NBAS: variants seen among roughly 807,000 people sequenced by gnomAD.
NBAS encodes the protein NBAS subunit of NRZ tethering complex, also known as NAG/BC035112 fusion.
A neutral mutation model predicts 302.5 loss-of-function variants in NBAS; 219 were observed. The observed-to-expected ratio is 0.72, with a 90% CI of 0.65 to 0.81. The LOEUF (loss-of-function observed/expected upper bound fraction) is 0.81. Among genes scored for constraint, NBAS ranks in the 30% least tolerant of loss-of-function variants. NBAS has a pLI of 0.00. For synonymous variants in NBAS, 1,118 were observed against 1,021.6 expected, an observed-to-expected ratio of 1.09 and a Z score of -1.80; for missense variants, 2,932 against 2,841.6, an observed-to-expected ratio of 1.03 and a Z score of -0.72.
chr2:14,911,146 A>G, the NBAS span, among the ~76,000 whole-genome samples: 1 of 152,226 alleles, frequency 6.6e-6, no homozygotes, highest in Non-Finnish European at 1.5e-5. Flanking sequence ...AGCTTTCAAG[A>G]TGTTATCGAA....
the NBAS span, among the ~76,000 whole-genome samples, chr2:14,993,891 C>G: frequency 2.0e-5 from 3 of 152,112 alleles, no homozygotes. Context: ...AACACAGTTC[C>G]ATTCACTGTT....
the NBAS span, among the ~76,000 whole-genome samples, chr2:14,783,278 G>C: frequency 6.6e-6 from 1 of 151,992 alleles, no homozygotes; most frequent in East Asian, 1.9e-4. Flanking sequence ...TAGTCAGATT[G>C]CTGGAGCCTC....
At chr2:14,992,079 A>G in the NBAS span, among the ~76,000 whole-genome samples, 2 of 152,202 alleles carry the variant, frequency 1.3e-5, no homozygotes, top group Admixed American at 1.3e-4. Context: ...GCAATGCTAC[A>G]TTTTAGAAGC....
At position 15,427,770 on chromosome 2, in the gene NBAS, G is replaced by C; in HGVS notation, c.2364C>G (p.Ile788Met). The change falls in exon 22 of 52, where the codon ATC (isoleucine) becomes ATG (methionine). Residue 788 changes from isoleucine (I) to methionine (M), a missense_variant. Coordinates refer to ENST00000281513, the MANE Select transcript of NBAS (RefSeq NM_015909.4). The part of the protein sequence containing the change: ...EACFNGDSLM[I>M]IPWHEHKHRA... ...GGTGTTTATGTTCATGCCAAGGAAT[G>C]ATCATCAGGGAGTCACCGTTAAAAC... The C allele has an allele frequency of 2.5e-6, 4 of 1,613,186 alleles. No homozygotes were observed. The highest frequency in any genetic ancestry group is 3.4e-6 in the Non-Finnish European group (4 of 1,179,636).
chr2:15,478,205 A>T, intron 13 of NBAS, 21 bp downstream of exon 13: 1 of 1,509,634 alleles, frequency 6.6e-7, no homozygotes, highest in Non-Finnish European at 9.2e-7. Context: ...GGTTTCAATT[A>T]TCACATTTCG....
At chr2:15,259,376 A>C (rs1668751040) in intron 44 of NBAS, among the ~76,000 whole-genome samples, 1 of 152,208 alleles carries the variant, frequency 6.6e-6, no homozygotes, top group Non-Finnish European at 1.5e-5. Flanking sequence ...TAGCAAGGCC[A>C]TGTCCCTAGA....
intron 27 of NBAS, among the ~76,000 whole-genome samples, chr2:15,395,919 T>C (rs975278212): frequency 1.3e-5 from 2 of 152,092 alleles, no homozygotes; most frequent in Non-Finnish European, 2.9e-5. Flanking sequence ...AGAATATTCC[T>C]CCAGTGTTGC....
At chr2:14,897,279 T>C in the NBAS span, among the ~76,000 whole-genome samples, 24 of 152,306 alleles carry the variant, frequency 1.6e-4, no homozygotes, top group Non-Finnish European at 3.1e-4. Context: ...TATTCCTTTT[T>C]AGAGCGCTAT....
At chr2:15,028,911 G>T in the NBAS span, among the ~76,000 whole-genome samples, 3 of 152,048 alleles carry the variant, frequency 2.0e-5, no homozygotes, top group Non-Finnish European at 4.4e-5. Context: ...TCTCTCCCCA[G>T]TCTAGAATGT....
chr2:14,823,356 A>C, the NBAS span, among the ~76,000 whole-genome samples: 1 of 152,176 alleles, frequency 6.6e-6, no homozygotes, highest in African/African-American at 2.4e-5. Context: ...TGAAGTTTTC[A>C]TTTCTCCAAT....
chr2:15,009,603 TACACACACACACACAC>T, the NBAS span, among the ~76,000 whole-genome samples: 23 of 130,746 alleles, frequency 1.8e-4, no homozygotes, highest in African/African-American at 6.2e-4. Context: ...TGCAACATCA[TACACACACACACACAC>T]ACACACACAC....
the NBAS span, among the ~76,000 whole-genome samples, chr2:14,831,844 T>C: frequency 6.6e-6 from 1 of 152,200 alleles, no homozygotes; most frequent in African/African-American, 2.4e-5. Context: ...ATAATTCATA[T>C]CTGTGCTCCA....
At chr2:14,823,059 G>T in the NBAS span, among the ~76,000 whole-genome samples, 1 of 152,094 alleles carries the variant, frequency 6.6e-6, no homozygotes, top group East Asian at 1.9e-4. Context: ...AGCTGAATTG[G>T]CAAAACAAAC....
rs377023562 is a variant in NBAS, at chr2:15,489,030, A to G, written c.955-8T>C. 7 of 1,613,012 alleles carry G rather than the reference A, an allele frequency of 4.3e-6. No individual in the cohort carries two copies. The highest frequency in any genetic ancestry group is 5.9e-6 in the Non-Finnish European group (7 of 1,179,296). On this transcript the variant is annotated splice_polypyrimidine_tract_variant and splice_region_variant and intron_variant, in intron 11 of 51. Coordinates refer to ENST00000281513, the MANE Select transcript of NBAS (RefSeq NM_015909.4). ...CATCTTAAAAATTCCATCCTAAATA[A>G]GAATCATAAGGTCAGGGCAAAGGAC...
the NBAS span, among the ~76,000 whole-genome samples, chr2:14,984,629 C>A: frequency 1.1e-4 from 17 of 152,240 alleles, 1 homozygote; most frequent in Middle Eastern, 6.8e-3. Context: ...CTATTTCTAG[C>A]CCAGCACTAA....
At chr2:15,280,569 C>T (rs553459890) in intron 42 of NBAS, among the ~76,000 whole-genome samples, 5 of 152,298 alleles carry the variant, frequency 3.3e-5, no homozygotes, top group Non-Finnish European at 7.4e-5. Flanking sequence ...AAAAATCACA[C>T]AACTAGTAAG....
chr2:15,518,416 A>C lies in NBAS; in HGVS notation c.747-7066T>G, dbSNP rs374330561. Among the ~76,000 whole-genome samples, 3 of 152,320 alleles carry C rather than the reference A, an allele frequency of 2.0e-5. No homozygotes were observed. In the East Asian group the frequency reaches 5.8e-4, roughly 29 times the overall value. Reference sequence around the variant, plus strand: ...AAATTCCTTCACCTGGAATATTTACATGCAGTGGTAACCATTACATCCTCA... The same window carrying C: ...AAATTCCTTCACCTGGAATATTTACCTGCAGTGGTAACCATTACATCCTCA... On this transcript the variant is annotated intron_variant, in intron 9 of 51. Coordinates refer to ENST00000281513, the MANE Select transcript of NBAS (RefSeq NM_015909.4).
intron 25 of NBAS, among the ~76,000 whole-genome samples, chr2:15,411,321 C>A (rs1053875088): frequency 5.3e-5 from 8 of 152,150 alleles, no homozygotes; most frequent in Non-Finnish European, 1.0e-4. Flanking sequence ...AGTAGCCACT[C>A]CCTCCTTCTC....
the NBAS span, among the ~76,000 whole-genome samples, chr2:14,984,251 T>TA: frequency 6.6e-6 from 1 of 152,086 alleles, no homozygotes; most frequent in Non-Finnish European, 1.5e-5. Context: ...CTTTAGTCTC[T>TA]GCCCCCTACC....
Sources: gnomAD v4.1 joint callset for allele counts (sites outside exome capture counted in the v4.1 genomes callset) on GRCh38, gnomAD v4.1.1 for gene constraint, MANE v1.5 for transcripts, NCBI Gene and HGNC (gene_info 2026-07-23, HGNC 2026-07-21) for gene names.